The following GALNT13 variants were observed in gnomAD, a reference collection of about 807,000 sequenced individuals.
GALNT13 encodes the protein UDP-GalNAc:polypeptide N-acetylgalactosaminyltransferase 13.
In GALNT13, 28 loss-of-function variants were observed where a neutral mutation model predicts 64.2. The observed-to-expected ratio is 0.44, with a 90% CI of 0.32 to 0.60. The LOEUF (loss-of-function observed/expected upper bound fraction) is 0.60, where lower values mean the gene tolerates loss of function less well. Ranked by LOEUF, GALNT13 falls within the 20% of genes least tolerant of loss-of-function variation. The pLI is 0.05. For synonymous variants in GALNT13, 214 were observed against 224.6 expected (o/e 0.95, Z 0.42); for missense variants, 577 against 669.8 (o/e 0.86, Z 1.53).
chr2:154,348,312 A>G (rs1696185266), intron 9 of GALNT13, among the ~76,000 whole-genome samples: 2 of 151,948 alleles, frequency 1.3e-5, no homozygotes, highest in South Asian at 4.1e-4. Flanking sequence ...ATGAATGGCT[A>G]CCCAAACAGC....
At chr2:153,536,032 T>G in the GALNT13 span, among the ~76,000 whole-genome samples, 5 of 152,176 alleles carry the variant, frequency 3.3e-5, no homozygotes, top group African/African-American at 1.2e-4. Context: ...GTAAAACTAA[T>G]TTGCCAGCAA....
intron 7 of GALNT13, among the ~76,000 whole-genome samples, chr2:154,254,870 T>C (rs1690285177): frequency 1.3e-5 from 2 of 152,174 alleles, no homozygotes; most frequent in Non-Finnish European, 2.9e-5. Context: ...ATGAATGATC[T>C]GATCTTACCC....
rs544788492 is a variant in GALNT13, at chr2:154,205,871, G to GA, written c.312-36151dup. On this transcript the variant is annotated intron_variant, in intron 4 of 12. Coordinates refer to ENST00000392825, the MANE Select transcript of GALNT13 (RefSeq NM_052917.4). ...GGAATAGGTCCAAACTTTAGTATCA[G>GA]AAAAAAAATTCTCTAGTTTTCTTTG... Among the ~76,000 whole-genome samples, 451 of 151,750 alleles carry GA rather than the reference G, an allele frequency of 3.0e-3. 2 individuals carry two copies. Among genetic ancestry groups the GA allele is most frequent in the African/African-American group, 0.01 (427 of 41,422 alleles).
At chr2:153,554,656 A>ATGTGTGTGTGTGTGTGTG in the GALNT13 span, among the ~76,000 whole-genome samples, 4 of 146,164 alleles carry the variant, frequency 2.7e-5, no homozygotes, top group South Asian at 2.2e-4. Flanking sequence ...GATGCTGTAT[A>ATGTGTGTGTGTGTGTGTG]TGTGTGTGTG....
chr2:153,826,681 CT>C, the GALNT13 span, among the ~76,000 whole-genome samples: 11,621 of 151,988 alleles, frequency 0.076, 530 homozygotes, highest in African/African-American at 0.12. Context: ...GCCCCTATAG[CT>C]ATTTTATGAC....
At chr2:153,608,245 C>T in the GALNT13 span, among the ~76,000 whole-genome samples, 6 of 152,138 alleles carry the variant, frequency 3.9e-5, no homozygotes, top group East Asian at 1.9e-4. Flanking sequence ...ATATCTGATA[C>T]GATAACGTAT....
the GALNT13 span, among the ~76,000 whole-genome samples, chr2:153,228,609 G>A: frequency 6.6e-6 from 1 of 152,036 alleles, no homozygotes; most frequent in East Asian, 1.9e-4. Context: ...GCAGGGCACA[G>A]TGGCTCTGTA....
At chr2:154,337,548 A>G (rs949087252) in intron 9 of GALNT13, among the ~76,000 whole-genome samples, 1 of 152,100 alleles carries the variant, frequency 6.6e-6, no homozygotes, top group African/African-American at 2.4e-5. Context: ...AGCATACCAC[A>G]TAGTGATAAT....
chr2:154,062,554 C>T (rs1305694494), intron 3 of GALNT13, among the ~76,000 whole-genome samples: 2 of 152,072 alleles, frequency 1.3e-5, no homozygotes, highest in Non-Finnish European at 2.9e-5. Context: ...GAAGTAAATA[C>T]CTCTCACCAT....
the GALNT13 span, among the ~76,000 whole-genome samples, chr2:153,152,775 A>G: frequency 6.6e-6 from 1 of 152,126 alleles, no homozygotes; most frequent in Non-Finnish European, 1.5e-5. Context: ...TCCTTGGTGT[A>G]TATGTACCAC....
chr2:154,110,054 TTTC>T (rs1281476534), intron 3 of GALNT13, among the ~76,000 whole-genome samples: 1 of 151,868 alleles, frequency 6.6e-6, no homozygotes, highest in East Asian at 1.9e-4. Context: ...ATAGATATTG[TTTC>T]TTCTTTAAAT....
chr2:154,125,677 A>G (rs1384098326), intron 3 of GALNT13, among the ~76,000 whole-genome samples: 2 of 152,178 alleles, frequency 1.3e-5, no homozygotes, highest in Non-Finnish European at 2.9e-5. Context: ...CTCTAAGGAA[A>G]AAGATTTTTT....
intron 3 of GALNT13, among the ~76,000 whole-genome samples, chr2:153,954,414 A>G (rs916886252): frequency 2.6e-5 from 4 of 152,030 alleles, no homozygotes; most frequent in African/African-American, 4.8e-5. Flanking sequence ...AATCAGTTCT[A>G]TATACAGTTT....
At chr2:153,518,780 T>C in the GALNT13 span, among the ~76,000 whole-genome samples, 3 of 152,100 alleles carry the variant, frequency 2.0e-5, no homozygotes, top group Admixed American at 6.5e-5. Context: ...CCTAGAACAA[T>C]AATTAACTTC....
chr2:153,970,285 T>A (rs1693652342), intron 3 of GALNT13, among the ~76,000 whole-genome samples: 1 of 152,200 alleles, frequency 6.6e-6, no homozygotes, highest in South Asian at 2.1e-4. Context: ...CAACCTTTAT[T>A]TTACTTGACT....
chr2:153,996,525 T>G (rs2105206257), intron 3 of GALNT13, among the ~76,000 whole-genome samples: 1 of 152,278 alleles, frequency 6.6e-6, no homozygotes, highest in South Asian at 2.1e-4. Context: ...TTGGATGGGA[T>G]TTCTTTTTTG....
intron 11 of GALNT13, among the ~76,000 whole-genome samples, chr2:154,414,507 A>ATTTT (rs11439962): frequency 6.7e-6 from 1 of 149,282 alleles, no homozygotes; most frequent in Admixed American, 6.7e-5. Flanking sequence ...TGTGTATTAT[A>ATTTT]TTTTTTTTTT....
At chr2:154,183,413 C>T (rs1686072503) in intron 4 of GALNT13, among the ~76,000 whole-genome samples, 2 of 151,980 alleles carry the variant, frequency 1.3e-5, no homozygotes. Flanking sequence ...GTTGTTTAGT[C>T]TATCTAAAAG....
At chr2:153,504,229 A>G in the GALNT13 span, among the ~76,000 whole-genome samples, 2 of 152,226 alleles carry the variant, frequency 1.3e-5, no homozygotes, top group African/African-American at 2.4e-5. Flanking sequence ...CTGTGCATTA[A>G]TTTTGTATCC....
Sources: gnomAD v4.1 joint callset for allele counts (sites outside exome capture counted in the v4.1 genomes callset) on GRCh38, gnomAD v4.1.1 for gene constraint, MANE v1.5 for transcripts, NCBI Gene and HGNC (gene_info 2026-07-23, HGNC 2026-07-21) for gene names.